CTNNA2: variants seen among roughly 807,000 people sequenced by gnomAD.
CTNNA2 encodes the protein catenin alpha 2.
CTNNA2 carries 42 observed loss-of-function variants against 101.0 expected under a neutral mutation model. The ratio of observed to expected loss-of-function variants is 0.42; its 90% confidence interval spans 0.32 to 0.54. The LOEUF is 0.54. Ranked by LOEUF, CTNNA2 falls within the 20% of genes least tolerant of loss-of-function variation. The pLI, the probability that CTNNA2 is intolerant of heterozygous loss-of-function variation, is 0.14. For missense variants in CTNNA2, 871 were observed against 1,223.1 expected (o/e 0.71, Z 4.29); for synonymous variants, 450 against 456.4 (o/e 0.99, Z 0.18).
intron 7 of CTNNA2, among the ~76,000 whole-genome samples, chr2:80,329,564 C>T (rs537877528): frequency 6.6e-6 from 1 of 152,252 alleles, no homozygotes; most frequent in South Asian, 2.1e-4. Flanking sequence ...GTTGGCCAGA[C>T]TGAAACGGAA....
rs112372549 is a variant in CTNNA2 at position 80,180,134 on chromosome 2, G to A, written c.1057-213077G>A. On this transcript the variant is annotated intron_variant, in intron 7 of 18. Transcript: ENST00000402739. ...CAGTGCACAGTTACCCTGGTAAAAG[G>A]CTGGAGATCTCCTTGGGCAAGGATG... is the stretch of plus-strand genomic sequence containing the variant. Among the ~76,000 whole-genome samples, 801 of 152,248 alleles carry A rather than the reference G, an allele frequency of 5.3e-3. 3 individuals carry two copies. The highest frequency in any genetic ancestry group is 7.6e-3 in the Non-Finnish European group (519 of 68,018).
intron 7 of CTNNA2, among the ~76,000 whole-genome samples, chr2:80,110,012 C>T (rs1040329302): frequency 4.6e-5 from 7 of 152,096 alleles, no homozygotes; most frequent in Non-Finnish European, 8.8e-5. Flanking sequence ...ACTGCGTTAC[C>T]GTAGGATCCC....
chr2:80,220,879 T>C (rs1358016063), intron 7 of CTNNA2, among the ~76,000 whole-genome samples: 1 of 152,138 alleles, frequency 6.6e-6, no homozygotes, highest in Non-Finnish European at 1.5e-5. Context: ...TTGTTTTTGT[T>C]TTGTTTTGTT....
At chr2:80,373,688 A>C (rs1238912986) in intron 7 of CTNNA2, among the ~76,000 whole-genome samples, 1 of 152,166 alleles carries the variant, frequency 6.6e-6, no homozygotes, top group East Asian at 1.9e-4. Flanking sequence ...CTAATAAGAG[A>C]TGTAAGACTC....
chr2:80,279,049 C>T (rs1014539106), intron 7 of CTNNA2, among the ~76,000 whole-genome samples: 5 of 135,734 alleles, frequency 3.7e-5, no homozygotes, highest in Admixed American at 7.4e-5. Context: ...ATGACTTTTA[C>T]GTGTGTGTGT....
chr2:79,463,984 AG>A (rs1258172391), intron 4 of CTNNA2, among the ~76,000 whole-genome samples: 1 of 104,984 alleles, frequency 9.5e-6, no homozygotes, highest in Non-Finnish European at 2.2e-5. Flanking sequence ...GCTTAAAGAA[AG>A]TTTTTTTTTT....
At chr2:79,576,707 A>T (rs1322687973) in intron 1 of CTNNA2, among the ~76,000 whole-genome samples, 1 of 152,152 alleles carries the variant, frequency 6.6e-6, no homozygotes, top group Non-Finnish European at 1.5e-5. Flanking sequence ...ACTTCACTCT[A>T]CATTGGCCCC....
In CTNNA2 at chr2:79,349,136, T is replaced by G. The variant is rs955755877; in HGVS notation, c.-317-24695T>G. On this transcript the variant is annotated intron_variant, in intron 3 of 21. Coordinates refer to the CTNNA2 transcript ENST00000466387. ...TGATGGTATAGGCTTCTTTGCATATTCTGATTGCACAGTGGGTGATATGCA... is the reference window on the plus strand; with the variant it reads ...TGATGGTATAGGCTTCTTTGCATATGCTGATTGCACAGTGGGTGATATGCA... Among the ~76,000 whole-genome samples the G allele has an allele frequency of 4.6e-5, 7 of 152,366 alleles. No homozygotes were observed. The South Asian group carries it at 1.2e-3, about 27-fold the overall frequency.
intron 7 of CTNNA2, among the ~76,000 whole-genome samples, chr2:80,067,232 T>A (rs1391719922): frequency 1.3e-5 from 2 of 152,108 alleles, no homozygotes; most frequent in Admixed American, 6.6e-5. Context: ...AGTGTTCGCA[T>A]CACAAAAAAA....
intron 2 of CTNNA2, among the ~76,000 whole-genome samples, chr2:79,688,780 A>G (rs1684102930): frequency 6.6e-6 from 1 of 152,092 alleles, no homozygotes; most frequent in African/African-American, 2.4e-5. Flanking sequence ...ACTGATCTGG[A>G]GGGACAGAAA....
chr2:80,213,736 G>A (rs1174636032), intron 7 of CTNNA2, among the ~76,000 whole-genome samples: 1 of 152,288 alleles, frequency 6.6e-6, no homozygotes, highest in South Asian at 2.1e-4. Context: ...AGGTCTGCTT[G>A]GTGCAGAGCT....
chr2:79,969,545 G>C (rs1486060984), intron 7 of CTNNA2, among the ~76,000 whole-genome samples: 1 of 152,120 alleles, frequency 6.6e-6, no homozygotes. Context: ...CCTTATTACA[G>C]ACATAGGAAT....
intron 2 of CTNNA2, among the ~76,000 whole-genome samples, chr2:79,243,357 A>G (rs1674659354): frequency 6.6e-6 from 1 of 152,206 alleles, no homozygotes; most frequent in South Asian, 2.1e-4. Context: ...ATGTTTTACT[A>G]TAGAGGGCAT....
intron 7 of CTNNA2, among the ~76,000 whole-genome samples, chr2:79,980,314 C>T (rs1404946443): frequency 6.6e-6 from 1 of 152,106 alleles, no homozygotes; most frequent in East Asian, 1.9e-4. Flanking sequence ...TGCATATACT[C>T]ATATTTCATA....
At chr2:79,516,333 G>A (rs559389443) in intron 1 of CTNNA2, among the ~76,000 whole-genome samples, 16 of 152,232 alleles carry the variant, frequency 1.1e-4, no homozygotes, top group African/African-American at 1.9e-4. Flanking sequence ...AGACAGAAGC[G>A]CAAGTAAGTA....
chr2:80,050,938 T>C (rs116036738), intron 7 of CTNNA2, among the ~76,000 whole-genome samples: 2,021 of 152,206 alleles, frequency 0.013, 35 homozygotes, highest in African/African-American at 0.045. Flanking sequence ...GCCCAGGCTG[T>C]TCTAGAACTC....
intron 2 of CTNNA2, among the ~76,000 whole-genome samples, chr2:79,249,594 C>T (rs948347735): frequency 1.3e-5 from 2 of 152,220 alleles, no homozygotes; most frequent in African/African-American, 4.8e-5. Context: ...TCCACCAATG[C>T]TCCTAACTGT....
At chr2:80,629,541 G>T (rs1672055637) in intron 18 of CTNNA2, among the ~76,000 whole-genome samples, 1 of 152,176 alleles carries the variant, frequency 6.6e-6, no homozygotes, top group African/African-American at 2.4e-5. Flanking sequence ...AAAAAACACT[G>T]GTCTAGGAAG....
chr2:79,631,624 G>C (rs1679701840), intron 1 of CTNNA2, among the ~76,000 whole-genome samples: 2 of 152,100 alleles, frequency 1.3e-5, no homozygotes, highest in Admixed American at 6.6e-5. Context: ...CTAACTCTCA[G>C]TATACAAAAA....
Sources: gnomAD v4.1 joint callset for allele counts (sites outside exome capture counted in the v4.1 genomes callset) on GRCh38, gnomAD v4.1.1 for gene constraint, MANE v1.5 for transcripts, NCBI Gene and HGNC (gene_info 2026-07-23, HGNC 2026-07-21) for gene names.